Variants in SLC24A3 observed in about 807,000 individuals in gnomAD.
SLC24A3 encodes sodium/potassium/calcium exchanger 3.
A neutral mutation model predicts 75.8 loss-of-function variants in SLC24A3; 28 were observed. That is an observed-to-expected ratio of 0.37 (90% CI 0.27 to 0.51). The LOEUF is 0.51. Ranked by LOEUF, SLC24A3 falls within the 20% of genes least tolerant of loss-of-function variation. SLC24A3 has a pLI of 0.94. For missense variants in SLC24A3, 663 were observed against 847.8 expected (o/e 0.78, Z 2.71); for synonymous variants, 372 against 334.1 (o/e 1.11, Z -1.24).
intron 2 of SLC24A3, among the ~76,000 whole-genome samples, chr20:19,326,403 C>G (rs1050908837): frequency 1.3e-5 from 2 of 152,080 alleles, no homozygotes; most frequent in African/African-American, 4.8e-5. Flanking sequence ...CCTGACTACT[C>G]TCTTCTTTCA....
chr20:19,237,483 C>T (rs3790165), intron 1 of SLC24A3, among the ~76,000 whole-genome samples: 23,158 of 152,052 alleles, frequency 0.15, 3,048 homozygotes, highest in East Asian at 0.73. Context: ...GGGTTCGGCA[C>T]CTGTTCCCGT....
chr20:19,462,414 G>A lies in SLC24A3; in HGVS notation c.272-53074G>A, dbSNP rs529512838. Among the ~76,000 whole-genome samples the A allele has an allele frequency of 1.7e-4, 25 of 149,462 alleles. No individual in the cohort carries two copies. In the East Asian group the frequency reaches 3.3e-3, roughly 20 times the overall value. ...AGGGACTACGGGCGCCTGACACCAC[G>A]CCCGGCTAAGCTTTCTAACAGGCTC... is the stretch of plus-strand genomic sequence containing the variant. On this transcript the variant is annotated intron_variant, in intron 2 of 16. Coordinates refer to ENST00000328041, the MANE Select transcript of SLC24A3 (RefSeq NM_020689.4).
chr20:19,606,830 C>T (rs1413119090), intron 6 of SLC24A3, among the ~76,000 whole-genome samples: 2 of 152,116 alleles, frequency 1.3e-5, no homozygotes, highest in Non-Finnish European at 2.9e-5. Context: ...TGTGCAAGTC[C>T]ACACAGTGAA....
chr20:19,216,499 A>G (rs778851839), intron 1 of SLC24A3, among the ~76,000 whole-genome samples: 11 of 152,218 alleles, frequency 7.2e-5, no homozygotes, highest in Non-Finnish European at 2.9e-5. Context: ...AATCCCAGCT[A>G]CTCAGAGTCT....
chr20:19,508,071 A>G (rs527871676), intron 2 of SLC24A3, among the ~76,000 whole-genome samples: 37 of 152,328 alleles, frequency 2.4e-4, no homozygotes, highest in African/African-American at 7.9e-4. Flanking sequence ...GGACAATGCA[A>G]CTGGGCCACA....
chr20:19,613,360 A>G (rs866314969), intron 6 of SLC24A3, among the ~76,000 whole-genome samples: 32 of 152,338 alleles, frequency 2.1e-4, no homozygotes, highest in Middle Eastern at 6.8e-3. Context: ...AACAAACACC[A>G]TAATCAAGTG....
chr20:19,572,496 A>G (rs2031069374), intron 3 of SLC24A3, among the ~76,000 whole-genome samples: 1 of 152,140 alleles, frequency 6.6e-6, no homozygotes, highest in East Asian at 1.9e-4. Flanking sequence ...AACTCTCAAC[A>G]TTTGAGGGCT....
chr20:19,274,246 G>A (rs924390319), intron 1 of SLC24A3, among the ~76,000 whole-genome samples: 1 of 151,818 alleles, frequency 6.6e-6, no homozygotes, highest in African/African-American at 2.4e-5. Context: ...CCAAGGGGGT[G>A]TTCTCAGCAT....
chr20:19,494,672 T>C (rs1169620445), intron 2 of SLC24A3, among the ~76,000 whole-genome samples: 1 of 152,142 alleles, frequency 6.6e-6, no homozygotes, highest in African/African-American at 2.4e-5. Flanking sequence ...GACTAGGGTC[T>C]TCCTGAGCCT....
At chr20:19,299,177 C>CGT (rs761006484) in intron 2 of SLC24A3, among the ~76,000 whole-genome samples, 4,343 of 130,338 alleles carry the variant, frequency 0.033, 68 homozygotes, top group African/African-American at 0.04. Context: ...TCTTCCCCTT[C>CGT]GTGTGTGTGT....
intron 15 of SLC24A3, among the ~76,000 whole-genome samples, chr20:19,701,820 A>G (rs1339715065): frequency 6.6e-6 from 1 of 152,132 alleles, no homozygotes; most frequent in African/African-American, 2.4e-5. Flanking sequence ...CAGACATCAA[A>G]AAGAAGAAGA....
At chr20:19,633,424 C>T (rs1194320871) in intron 6 of SLC24A3, among the ~76,000 whole-genome samples, 2 of 151,764 alleles carry the variant, frequency 1.3e-5, no homozygotes, top group Admixed American at 6.6e-5. Context: ...CCGAGGCGGG[C>T]GGATCACGAG....
At chr20:19,378,395 C>T (rs893209606) in intron 2 of SLC24A3, among the ~76,000 whole-genome samples, 3 of 152,148 alleles carry the variant, frequency 2.0e-5, no homozygotes, top group Non-Finnish European at 4.4e-5. Context: ...AAACTCCAAG[C>T]TACTGGCTAT....
intron 2 of SLC24A3, among the ~76,000 whole-genome samples, chr20:19,511,428 C>T (rs975791251): frequency 4.0e-5 from 6 of 151,674 alleles, no homozygotes; most frequent in East Asian, 1.9e-4. Context: ...CTCAGGTTCA[C>T]GCCATTCTCC....
intron 6 of SLC24A3, among the ~76,000 whole-genome samples, chr20:19,623,330 G>A (rs940485029): frequency 6.6e-6 from 1 of 152,160 alleles, no homozygotes; most frequent in East Asian, 1.9e-4. Context: ...ATGGCTCTTG[G>A]CAGTTGAGAA....
chr20:19,399,661 C>T (rs1037185752), intron 2 of SLC24A3, among the ~76,000 whole-genome samples: 3 of 152,082 alleles, frequency 2.0e-5, no homozygotes, highest in African/African-American at 7.2e-5. Context: ...AATTTTATGG[C>T]CCAGAATATG....
At chr20:19,313,603 C>G (rs1398682995) in intron 2 of SLC24A3, among the ~76,000 whole-genome samples, 1 of 152,204 alleles carries the variant, frequency 6.6e-6, no homozygotes, top group Admixed American at 6.5e-5. Flanking sequence ...CCTCTCCTGC[C>G]ACTGCTAGGT....
At position 19,422,030 on chromosome 20, in the gene SLC24A3, G is replaced by T. The variant is rs561387594; in HGVS notation, c.272-93458G>T. On this transcript the variant is annotated intron_variant, in intron 2 of 16. Transcript: ENST00000328041. ...TCAGAGTTGTCCCATCCGGGACAAAGAAGTGGGAGTCTCTTTCCCCCAGTG... is the reference window on the plus strand; with the variant it reads ...TCAGAGTTGTCCCATCCGGGACAAATAAGTGGGAGTCTCTTTCCCCCAGTG... Among the ~76,000 whole-genome samples, 387 of 152,240 alleles carry T rather than the reference G, an allele frequency of 2.5e-3. 3 individuals are homozygous for T. Among genetic ancestry groups the T allele is most frequent in the Non-Finnish European group, 2.8e-3 (188 of 68,022 alleles).
At chr20:19,672,256 G>GCTTGGATACC (rs1304069898) in intron 8 of SLC24A3, among the ~76,000 whole-genome samples, 1 of 152,170 alleles carries the variant, frequency 6.6e-6, no homozygotes, top group Non-Finnish European at 1.5e-5. Flanking sequence ...AATTGAAAGG[G>GCTTGGATACC]CTTGGATACC....
Sources: gnomAD v4.1 joint callset for allele counts (sites outside exome capture counted in the v4.1 genomes callset) on GRCh38, gnomAD v4.1.1 for gene constraint, MANE v1.5 for transcripts, NCBI Gene and HGNC (gene_info 2026-07-23, HGNC 2026-07-21) for gene names.